SHISA9: variants seen among roughly 807,000 people sequenced by gnomAD.
SHISA9 encodes shisa family member 9.
Under a neutral mutation model 38.0 loss-of-function variants are expected in SHISA9, and 13 were observed. That is an observed-to-expected ratio of 0.34 (90% confidence interval 0.22 to 0.54). The LOEUF (loss-of-function observed/expected upper bound fraction) is 0.54, where lower values mean the gene tolerates loss of function less well. Among genes scored for constraint, SHISA9 ranks in the 20% least tolerant of loss-of-function variants. SHISA9 has a pLI of 0.91. For missense variants in SHISA9, 538 were observed against 575.8 expected (o/e 0.93, Z 0.67); for synonymous variants, 275 against 242.0 (o/e 1.14, Z -1.27).
chr16:13,490,359 G>A, the SHISA9 span, among the ~76,000 whole-genome samples: 1 of 152,060 alleles, frequency 6.6e-6, no homozygotes, highest in Non-Finnish European at 1.5e-5. Flanking sequence ...GACCAGCCTG[G>A]GTGACATGGA....
the SHISA9 span, among the ~76,000 whole-genome samples, chr16:13,557,688 T>G: frequency 6.6e-6 from 1 of 152,164 alleles, no homozygotes; most frequent in African/African-American, 2.4e-5. Flanking sequence ...GATAATTTAC[T>G]GCTCAAGTTC....
At chr16:13,352,377 T>A in the SHISA9 span, among the ~76,000 whole-genome samples, 2 of 152,138 alleles carry the variant, frequency 1.3e-5, no homozygotes, top group African/African-American at 4.8e-5. Context: ...TGCAGTATGA[T>A]CACAATGAAG....
rs11372669 is a variant in SHISA9 at position 13,167,072 on chromosome 16, C to CTTTTTTTTTTTTTTTTTTTTTTT, written c.692-36305_692-36304insTTTTTTTTTTTTTTTTTTTTTTT. Among the ~76,000 whole-genome samples the CTTTTTTTTTTTTTTTTTTTTTTT allele has an allele frequency of 1.6e-5, 2 of 124,428 alleles. 1 individual carries two copies. The highest frequency in any genetic ancestry group is 3.3e-5 in the Non-Finnish European group (2 of 59,944). The allele number at this position is 124,428 out of a possible 152,430, so 81.6% of individuals were successfully genotyped here. On this transcript the variant is annotated intron_variant, in intron 2 of 4. Transcript: ENST00000558583. ...CTTCTTCTCTCTCTCTCTCTTTTTT[C>CTTTTTTTTTTTTTTTTTTTTTTT]TTTTTTTTTTTTTTTTTGAGACAGA...
At chr16:12,937,934 G>A (rs1035090886) in intron 2 of SHISA9, among the ~76,000 whole-genome samples, 2 of 152,196 alleles carry the variant, frequency 1.3e-5, no homozygotes, top group African/African-American at 4.8e-5. Context: ...GAGCCTGGAG[G>A]ATTGGTACCA....
chr16:13,120,245 C>T (rs1272418627), intron 2 of SHISA9, among the ~76,000 whole-genome samples: 1 of 152,128 alleles, frequency 6.6e-6, no homozygotes, highest in Admixed American at 6.5e-5. Flanking sequence ...CCAGGAACCC[C>T]ATGGGGCTGT....
chr16:13,367,712 G>GCGCGCACACACACACACA, the SHISA9 span, among the ~76,000 whole-genome samples: 6 of 104,640 alleles, frequency 5.7e-5, no homozygotes, highest in African/African-American at 1.0e-4. Flanking sequence ...GCGCGCGCGC[G>GCGCGCACACACACACACA]CACACACACA....
chr16:13,505,348 T>G, the SHISA9 span, among the ~76,000 whole-genome samples: 2 of 152,192 alleles, frequency 1.3e-5, no homozygotes, highest in Non-Finnish European at 2.9e-5. Flanking sequence ...GCTTCGTATA[T>G]TCTTATTGAT....
the SHISA9 span, among the ~76,000 whole-genome samples, chr16:13,283,976 A>G: frequency 4.6e-5 from 7 of 152,200 alleles, no homozygotes; most frequent in East Asian, 7.7e-4. Context: ...CCATACACTT[A>G]CAAGTGACCC....
chr16:13,312,646 G>A, the SHISA9 span, among the ~76,000 whole-genome samples: 2 of 152,252 alleles, frequency 1.3e-5, no homozygotes, highest in East Asian at 3.9e-4. Flanking sequence ...TTATCAAAAT[G>A]TGATTACAAT....
At chr16:12,968,956 A>C (rs12931280) in intron 2 of SHISA9, among the ~76,000 whole-genome samples, 32,747 of 151,842 alleles carry the variant, frequency 0.22, 4,005 homozygotes, top group African/African-American at 0.33. Context: ...GGAGTTCGAG[A>C]CCAGCCTGGC....
chr16:13,399,682 C>T, the SHISA9 span, among the ~76,000 whole-genome samples: 1 of 152,208 alleles, frequency 6.6e-6, no homozygotes, highest in African/African-American at 2.4e-5. Context: ...TTATCCCAGG[C>T]CAGCTAAATG....
At chr16:13,161,271 C>T (rs975825404) in intron 2 of SHISA9, among the ~76,000 whole-genome samples, 2 of 152,038 alleles carry the variant, frequency 1.3e-5, no homozygotes, top group Non-Finnish European at 2.9e-5. Context: ...ATTGATGGGT[C>T]GCTCTGTGGT....
chr16:13,214,984 G>T (rs2051154021), intron 4 of SHISA9, among the ~76,000 whole-genome samples: 1 of 152,090 alleles, frequency 6.6e-6, no homozygotes, highest in South Asian at 2.1e-4. Flanking sequence ...GATTATTCTG[G>T]CTTCTAAGTG....
the SHISA9 span, among the ~76,000 whole-genome samples, chr16:13,326,443 G>A: frequency 2.6e-5 from 4 of 152,176 alleles, no homozygotes; most frequent in South Asian, 2.1e-4. Context: ...AGTCCCCACC[G>A]GGTGCAGTGG....
At chr16:13,032,930 G>A (rs1278634958) in intron 2 of SHISA9, among the ~76,000 whole-genome samples, 1 of 152,146 alleles carries the variant, frequency 6.6e-6, no homozygotes, top group Non-Finnish European at 1.5e-5. Context: ...GAGTCAGAGC[G>A]AGATCAAGGA....
chr16:13,045,812 T>C (rs1045355231), intron 2 of SHISA9, among the ~76,000 whole-genome samples: 1 of 152,128 alleles, frequency 6.6e-6, no homozygotes, highest in African/African-American at 2.4e-5. Context: ...AAGGCTTTTG[T>C]CCTTCTCCAA....
At chr16:13,458,792 A>C in the SHISA9 span, 1 of 184,732 alleles carries the variant, frequency 5.4e-6, no homozygotes. Context: ...GAATGTAAAC[A>C]TTTAATATCT....
chr16:13,024,675 G>C (rs532051451), intron 2 of SHISA9, among the ~76,000 whole-genome samples: 2 of 152,310 alleles, frequency 1.3e-5, no homozygotes, highest in East Asian at 3.9e-4. Context: ...TGACAAGTGA[G>C]CTATTTCACT....
chr16:13,367,704 GCGCGCGCGCA>G, the SHISA9 span, among the ~76,000 whole-genome samples: 6 of 115,158 alleles, frequency 5.2e-5, 1 homozygote, highest in South Asian at 9.4e-4. Flanking sequence ...GCGTGCGCGC[GCGCGCGCGCA>G]CACACACACA....
Sources: allele counts gnomAD v4.1 joint callset (sites outside exome capture counted in the v4.1 genomes callset), GRCh38; gene constraint gnomAD v4.1.1; transcripts MANE v1.5; gene names NCBI Gene and HGNC (gene_info 2026-07-23, HGNC 2026-07-21).